The following DGLUCY variants were observed in gnomAD, a reference collection of about 807,000 sequenced individuals.
The protein encoded by DGLUCY is D-glutamate cyclase, mitochondrial.
Under a neutral mutation model 58.5 loss-of-function variants are expected in DGLUCY, and 58 were observed. The observed-to-expected ratio is 0.99, with a 90% CI of 0.80 to 1.23. The LOEUF is 1.23. Among genes scored for constraint, DGLUCY ranks in the 50% most tolerant of loss-of-function variants. DGLUCY has a pLI of 0.00. For missense variants in DGLUCY, 779 were observed against 784.7 expected, an observed-to-expected ratio of 0.99 and a Z score of 0.09; for synonymous variants, 325 against 314.1, an observed-to-expected ratio of 1.03 and a Z score of -0.37.
intron 1 of DGLUCY, among the ~76,000 whole-genome samples, chr14:91,094,876 A>C (rs1263932075): frequency 6.6e-6 from 1 of 152,038 alleles, no homozygotes; most frequent in Non-Finnish European, 1.5e-5. Flanking sequence ...CCATGATCTC[A>C]TGAGACAGGG....
chr14:91,196,565 C>A, intron 10 of DGLUCY, 91 bp downstream of exon 10: 2 of 1,062,628 alleles, frequency 1.9e-6, no homozygotes, highest in South Asian at 1.4e-5. Flanking sequence ...ACACCCAAGC[C>A]CTTCAGAGGG....
chr14:91,212,340 C>G (rs1885814203), intron 12 of DGLUCY, among the ~76,000 whole-genome samples: 1 of 151,824 alleles, frequency 6.6e-6, no homozygotes, highest in African/African-American at 2.4e-5. Flanking sequence ...GAACTTGTCT[C>G]TACAAAAAAA....
At chr14:91,103,122 G>A (rs1450266874), upstream of DGLUCY, among the ~76,000 whole-genome samples, 1 of 152,002 alleles carries the variant, frequency 6.6e-6, no homozygotes, top group Non-Finnish European at 1.5e-5. Context: ...CAGGCCCAAG[G>A]GAGAGCAACT....
At chr14:91,194,501 A>C (rs998032629) in intron 9 of DGLUCY, among the ~76,000 whole-genome samples, 12 of 141,524 alleles carry the variant, frequency 8.5e-5, no homozygotes, top group African/African-American at 2.9e-4. Context: ...ATGTGGGCTG[A>C]GGTTAGGGAG....
chr14:91,164,108 C>T (rs1361459306), intron 3 of DGLUCY, among the ~76,000 whole-genome samples: 1 of 152,046 alleles, frequency 6.6e-6, no homozygotes, highest in Non-Finnish European at 1.5e-5. Flanking sequence ...TGCCACCATG[C>T]CTGGCTAATT....
chr14:91,174,087 C>T (rs968814192), intron 6 of DGLUCY, among the ~76,000 whole-genome samples: 5 of 151,974 alleles, frequency 3.3e-5, no homozygotes, highest in Admixed American at 6.6e-5. Context: ...TGATTACCCA[C>T]GGCTGATGGT....
At chr14:91,109,780 A>T (rs1329380781), upstream of DGLUCY, among the ~76,000 whole-genome samples, 1 of 152,200 alleles carries the variant, frequency 6.6e-6, no homozygotes, top group Non-Finnish European at 1.5e-5. Context: ...ACCCATCTCC[A>T]GAACCCATCA....
Position 91,181,333 on chromosome 14 carries a change from C to A in DGLUCY, c.878C>A (p.Ser293Ter). The part of the protein sequence containing the change: ...SQDPLHYSIA[S>*]VSASQKIREL... ...GATCCTCTGCACTACAGCATCGCGT[C>A]AGTCTCTGCTTCTCAGAAGATCAGA... is the stretch of plus-strand genomic sequence containing the variant. The change falls in exon 8 of 14, where the codon TCA (serine) becomes TAA (stop). Residue 293 changes from serine to a stop codon, truncating the protein, a stop_gained. Coordinates refer to ENST00000256324, the MANE Select transcript of DGLUCY (RefSeq NM_001102368.3). LOFTEE classifies it high-confidence loss of function. The A allele has an allele frequency of 6.2e-7, 1 of 1,614,174 alleles. No homozygotes were observed. Among genetic ancestry groups the A allele is most frequent in the East Asian group, 2.2e-5 (1 of 44,882 alleles).
intron 1 of DGLUCY, among the ~76,000 whole-genome samples, chr14:91,137,357 T>C (rs992140608): frequency 2.6e-5 from 4 of 151,972 alleles, no homozygotes; most frequent in Admixed American, 1.3e-4. Context: ...AAGGGTCTTA[T>C]GGCCTACTAT....
intron 9 of DGLUCY, among the ~76,000 whole-genome samples, chr14:91,191,551 C>T (rs1408508164): frequency 6.6e-6 from 1 of 152,152 alleles, no homozygotes; most frequent in Non-Finnish European, 1.5e-5. Flanking sequence ...TGAAGGTGCA[C>T]GTTCCCTCCT....
chr14:91,155,407 T>G (rs568943205), intron 1 of DGLUCY, among the ~76,000 whole-genome samples: 8 of 152,158 alleles, frequency 5.3e-5, no homozygotes, highest in Admixed American at 5.2e-4. Context: ...TATTATGAGA[T>G]ATGTATTTGG....
intron 1 of DGLUCY, among the ~76,000 whole-genome samples, chr14:91,132,856 T>C (rs1384616307): frequency 1.3e-5 from 2 of 152,284 alleles, no homozygotes; most frequent in East Asian, 1.9e-4. Context: ...ACCATTTTAC[T>C]TTCCATCTTT....
upstream of DGLUCY, among the ~76,000 whole-genome samples, chr14:91,113,514 T>C (rs1343615377): frequency 6.6e-6 from 1 of 152,128 alleles, no homozygotes; most frequent in African/African-American, 2.4e-5. Flanking sequence ...TCTCAGTCAA[T>C]CGTCAGAGCA....
chr14:91,114,996 T>C lies in DGLUCY; in HGVS notation c.-82+713T>C, dbSNP rs41313505. 4,662 of 152,460 alleles carry C rather than the reference T, an allele frequency of 0.031. 101 individuals are homozygous for C. Among genetic ancestry groups the C allele is most frequent in the South Asian group, 0.058 (281 of 4,828 alleles). 9.4% of individuals were successfully genotyped at this position (152,460 alleles called of 1,614,324 possible). On this transcript the variant is annotated intron_variant, in intron 1 of 13. Transcript: ENST00000256324. ...ACCCAAGGCTAAAGGCAGAGCCAGG[T>C]GACTTTGCGGGGGTCTCTTCTCTAG... is the stretch of plus-strand genomic sequence containing the variant.
At chr14:91,198,398 G>T (rs2050349433) in intron 10 of DGLUCY, among the ~76,000 whole-genome samples, 2 of 148,498 alleles carry the variant, frequency 1.3e-5, no homozygotes, top group Admixed American at 1.4e-4. Context: ...AGGCTGGAGT[G>T]CAATGGTGTG....
intron 12 of DGLUCY, among the ~76,000 whole-genome samples, chr14:91,206,603 G>A (rs1026706046): frequency 4.0e-5 from 6 of 151,872 alleles, no homozygotes; most frequent in African/African-American, 7.3e-5. Flanking sequence ...GAGTGGTCTC[G>A]AACTCCTGAC....
Position 91,063,741 on chromosome 14 carries a change from G to A in DGLUCY, c.-82+3037G>A, listed in dbSNP as rs189787859. Among the ~76,000 whole-genome samples the A allele has an allele frequency of 2.0e-5, 3 of 152,376 alleles. No homozygotes were observed. The East Asian group carries it at 5.8e-4, about 29-fold the overall frequency. ...GTAAGCAAGGGATGAGGTTCAGGAG[G>A]TGGGCAGAGGCCCGGTCAGGAAGTA... On this transcript the variant is annotated intron_variant, in intron 1 of 4. Coordinates refer to the DGLUCY transcript ENST00000521334.
intron 12 of DGLUCY, among the ~76,000 whole-genome samples, chr14:91,209,376 A>G (rs1377549307): frequency 6.6e-6 from 1 of 152,048 alleles, no homozygotes; most frequent in Non-Finnish European, 1.5e-5. Context: ...AACTATATCA[A>G]TAATCACCAT....
intron 3 of DGLUCY, among the ~76,000 whole-genome samples, chr14:91,162,159 C>T (rs146007314): frequency 0.028 from 4,303 of 152,224 alleles, 76 homozygotes; most frequent in South Asian, 0.037. Flanking sequence ...AGCTGTTCCC[C>T]GCTGCCGTGA....
Sources: gnomAD v4.1 joint callset for allele counts (sites outside exome capture counted in the v4.1 genomes callset) on GRCh38, gnomAD v4.1.1 for gene constraint, MANE v1.5 for transcripts, NCBI Gene and HGNC (gene_info 2026-07-23, HGNC 2026-07-21) for gene names.